Variants in CTNND2 observed in about 807,000 individuals in gnomAD.
The protein encoded by CTNND2 is catenin delta 2.
Under a neutral mutation model 144.4 loss-of-function variants are expected in CTNND2, and 22 were observed. That is an observed-to-expected ratio of 0.15 (90% CI 0.11 to 0.22). The LOEUF is 0.22. Ranked by LOEUF, CTNND2 falls within the 10% of genes least tolerant of loss-of-function variation. CTNND2 has a pLI of 1.00. For synonymous variants in CTNND2, 751 were observed against 695.6 expected, an observed-to-expected ratio of 1.08 and a Z score of -1.25; for missense variants, 1,353 against 1,618.8, an observed-to-expected ratio of 0.84 and a Z score of 2.82.
chr5:11,485,202 A>C (rs1313532785), intron 3 of CTNND2, among the ~76,000 whole-genome samples: 1 of 152,226 alleles, frequency 6.6e-6, no homozygotes. Context: ...AAGAAACATA[A>C]AAACAAAATG....
chr5:11,054,918 C>A (rs1226424700), intron 16 of CTNND2, among the ~76,000 whole-genome samples: 1 of 152,100 alleles, frequency 6.6e-6, no homozygotes, highest in Non-Finnish European at 1.5e-5. Context: ...TTTAAATATT[C>A]TCTACTGTTC....
intron 9 of CTNND2, among the ~76,000 whole-genome samples, chr5:11,311,421 A>C: frequency 8.0e-6 from 1 of 124,800 alleles, no homozygotes; most frequent in Non-Finnish European, 1.7e-5. Context: ...ATACACTCTC[A>C]TACCCACTCA....
At chr5:11,759,538 T>A (rs1277839563) in intron 1 of CTNND2, among the ~76,000 whole-genome samples, 3 of 147,356 alleles carry the variant, frequency 2.0e-5, no homozygotes, top group Non-Finnish European at 4.5e-5. Context: ...CTATATTTAT[T>A]TTACAATCAG....
intron 18 of CTNND2, among the ~76,000 whole-genome samples, chr5:11,008,117 C>T (rs1740676777): frequency 6.6e-6 from 1 of 152,032 alleles, no homozygotes; most frequent in Non-Finnish European, 1.5e-5. Flanking sequence ...CTCTGGCAGG[C>T]GTTATATCAG....
chr5:11,292,344 T>A (rs1445063536), intron 9 of CTNND2, among the ~76,000 whole-genome samples: 1 of 152,120 alleles, frequency 6.6e-6, no homozygotes, highest in Non-Finnish European at 1.5e-5. Context: ...CCCAATCCAA[T>A]ATTACTGGCT....
intron 2 of CTNND2, among the ~76,000 whole-genome samples, chr5:11,676,118 T>C (rs567721371): frequency 6.6e-6 from 1 of 151,824 alleles, no homozygotes; most frequent in African/African-American, 2.4e-5. Context: ...CAGGTGTCCC[T>C]ACACACACAC....
rs868512221 is a variant in CTNND2 at position 11,348,455 on chromosome 5, A to G, written c.1373-1828T>C. Among the ~76,000 whole-genome samples, 466 of 145,750 alleles carry G rather than the reference A, an allele frequency of 3.2e-3. 3 individuals are homozygous for G. The highest frequency in any genetic ancestry group is 0.011 in the African/African-American group (445 of 40,298). Reference sequence around the variant, plus strand: ...TCAAGGGCAAAAAAAAAAAAAAAAAAAGAAAAAAGAAAACTAAGTACATCT... The same window carrying G: ...TCAAGGGCAAAAAAAAAAAAAAAAAGAGAAAAAAGAAAACTAAGTACATCT... On this transcript the variant is annotated intron_variant, in intron 8 of 21. Coordinates refer to ENST00000304623, the MANE Select transcript of CTNND2 (RefSeq NM_001332.4).
At chr5:11,399,277 G>A (rs1269439421) in intron 5 of CTNND2, among the ~76,000 whole-genome samples, 1 of 152,178 alleles carries the variant, frequency 6.6e-6, no homozygotes, top group Non-Finnish European at 1.5e-5. Context: ...GGCAAAGAAG[G>A]TTAAAGCAGA....
At chr5:11,318,991 G>A (rs1478708255) in intron 9 of CTNND2, among the ~76,000 whole-genome samples, 1 of 151,934 alleles carries the variant, frequency 6.6e-6, no homozygotes, top group African/African-American at 2.4e-5. Flanking sequence ...TTTTAAGCAT[G>A]CTGTATATTT....
Position 10,988,142 on chromosome 5 carries a change from G to C in CTNND2, c.3312C>G (p.Gly1104=), listed in dbSNP as rs771859439. The C allele has an allele frequency of 1.9e-6, 3 of 1,614,172 alleles. No individual in the cohort carries two copies. In the East Asian group the frequency reaches 6.7e-5, roughly 36 times the overall value. ...GSNATYHGAK[G]EHTSRKDAMT... Reference sequence around the variant, plus strand: ...TGGCATCTTTCCTGGAAGTGTGTTCGCCTTTAGCTCCGTGGTAGGTGGCGT... The same window carrying C: ...TGGCATCTTTCCTGGAAGTGTGTTCCCCTTTAGCTCCGTGGTAGGTGGCGT... Residue 1104 remains glycine, a synonymous_variant, in exon 20 of 22, where the codon GGC becomes GGG. Transcript: ENST00000304623. The surrounding 1 kb of genome is among the most constrained non-coding windows in gnomAD (Gnocchi z 5.9).
intron 3 of CTNND2, among the ~76,000 whole-genome samples, chr5:11,423,262 T>G (rs780004706): frequency 1.3e-4 from 20 of 152,222 alleles, no homozygotes; most frequent in Admixed American, 2.6e-4. Context: ...CAATGATACT[T>G]CTGTTTTGGT....
At chr5:11,896,741 G>A (rs903780823) in intron 1 of CTNND2, among the ~76,000 whole-genome samples, 3 of 152,026 alleles carry the variant, frequency 2.0e-5, no homozygotes, top group African/African-American at 7.2e-5. Context: ...CTCACATTTG[G>A]GAGTGGGTAT....
chr5:11,709,555 CCAAA>C (rs759075202), intron 2 of CTNND2, among the ~76,000 whole-genome samples: 9 of 152,060 alleles, frequency 5.9e-5, no homozygotes, highest in Admixed American at 3.3e-4. Flanking sequence ...TACAATAATC[CCAAA>C]CAGTTAGTTA....
chr5:11,545,113 T>C (rs1438456238), intron 3 of CTNND2, among the ~76,000 whole-genome samples: 3 of 95,794 alleles, frequency 3.1e-5, no homozygotes, highest in Admixed American at 1.5e-4. Context: ...AGAGCGAGAC[T>C]CCGTCTCAAA....
At chr5:11,616,523 C>A (rs150868341) in intron 2 of CTNND2, among the ~76,000 whole-genome samples, 9 of 151,780 alleles carry the variant, frequency 5.9e-5, no homozygotes, top group Non-Finnish European at 1.3e-4. Flanking sequence ...TCCTTCCTTC[C>A]TTGCTTCCTT....
rs1787434446 is a variant in CTNND2 at position 11,732,285 on chromosome 5, A to C, written c.38-13T>G. 6.2e-7 allele frequency: 1 copy of C among 1,612,652 alleles called. No homozygotes were observed. The highest frequency in any genetic ancestry group is 8.5e-7 in the Non-Finnish European group (1 of 1,179,152). On this transcript the variant is annotated splice_polypyrimidine_tract_variant and intron_variant, in intron 1 of 21. Coordinates refer to ENST00000304623, the MANE Select transcript of CTNND2 (RefSeq NM_001332.4). ...ACAGGCATAGCTCCTGCAAGGCAAG[A>C]GGACATGATCAATACAATCAGATGT...
intron 10 of CTNND2, among the ~76,000 whole-genome samples, chr5:11,220,661 T>C (rs1318671927): frequency 6.6e-6 from 1 of 152,106 alleles, no homozygotes; most frequent in East Asian, 1.9e-4. Flanking sequence ...TATGCGAGGG[T>C]GTGCTGGGAT....
At chr5:11,366,022 G>C (rs1756949425) in intron 7 of CTNND2, among the ~76,000 whole-genome samples, 1 of 152,170 alleles carries the variant, frequency 6.6e-6, no homozygotes, top group Admixed American at 6.5e-5. Context: ...TCTTTCAGCA[G>C]CCCTAGTTCA....
intron 9 of CTNND2, among the ~76,000 whole-genome samples, chr5:11,338,425 G>A (rs1753932124): frequency 6.6e-6 from 1 of 152,174 alleles, no homozygotes; most frequent in African/African-American, 2.4e-5. Context: ...TGAACTTGGG[G>A]TACAGTCTGT....
Sources: gnomAD v4.1 joint callset for allele counts (sites outside exome capture counted in the v4.1 genomes callset) on GRCh38, gnomAD v4.1.1 for gene constraint, Gnocchi (gnomAD v3.1) non-coding constraint, MANE v1.5 for transcripts, NCBI Gene and HGNC (gene_info 2026-07-23, HGNC 2026-07-21) for gene names.